RPS24: variants seen among roughly 807,000 people sequenced by gnomAD.
The protein encoded by RPS24 is ribosomal protein S24, also known as small ribosomal subunit protein eS24.
For synonymous variants in RPS24, 72 were observed against 55.6 expected, an observed-to-expected ratio of 1.30 and a Z score of -1.31; for missense variants, 100 against 162.5, an observed-to-expected ratio of 0.62 and a Z score of 2.09.
intron 4 of RPS24, among the ~76,000 whole-genome samples, chr10:78,049,465 TGCTTATTA>T (rs2131992186): frequency 6.6e-6 from 1 of 152,340 alleles, no homozygotes; most frequent in African/African-American, 2.4e-5. Flanking sequence ...ACAGTGAGGT[TGCTTATTA>T]GCTCCTGTAA....
At chr10:78,054,474 G>C (rs755364332) in intron 4 of RPS24, 12 of 1,442,524 alleles carry the variant, frequency 8.3e-6, no homozygotes, top group Admixed American at 2.2e-5. Flanking sequence ...AGAACAGGGC[G>C]GCTGGAAGGC....
chr10:78,052,801 G>A (rs77101381), intron 4 of RPS24, among the ~76,000 whole-genome samples: 1,968 of 152,314 alleles, frequency 0.013, 40 homozygotes, highest in African/African-American at 0.043. Flanking sequence ...TTGTCCTGGA[G>A]TGTGGAGTGT....
chr10:78,034,538 A>G (rs768138968), intron 1 of RPS24: 1 of 153,832 alleles, frequency 6.5e-6, no homozygotes, highest in Non-Finnish European at 1.4e-5. Flanking sequence ...ATTGAGTACC[A>G]CTGACGTGGA....
intron 5 of RPS24, 69 bp from the exon 6 acceptor site, chr10:78,040,546 T>A: frequency 8.8e-7 from 1 of 1,132,524 alleles, no homozygotes; most frequent in Non-Finnish European, 1.4e-6. Flanking sequence ...TGTTACTACT[T>A]TTGGAATTGA....
rs1363286906 is a variant in RPS24 at position 78,035,340 on chromosome 10, TTA to T, written c.4-10_4-9del. 5 of 1,613,406 alleles carry T rather than the reference TTA, an allele frequency of 3.1e-6. No individual in the cohort carries two copies. Among genetic ancestry groups the T allele is most frequent in the African/African-American group, 2.7e-5 (2 of 74,882 alleles). Reference sequence around the variant, plus strand: ...GGAGTAGTTTTATTAACCAGAGTGTTTATGTTTTCAGAACGACACCGTAACTA... The same window carrying T: ...GGAGTAGTTTTATTAACCAGAGTGTTTGTTTTCAGAACGACACCGTAACTA... On this transcript the variant is annotated splice_polypyrimidine_tract_variant and intron_variant, in intron 1 of 5. Coordinates refer to ENST00000372360, the MANE Select transcript of RPS24 (RefSeq NM_033022.4).
At chr10:78,054,598 T>C (rs748526014) in exon 5 of RPS24, 2 of 1,551,496 alleles carry the variant, frequency 1.3e-6, no homozygotes, top group Non-Finnish European at 1.7e-6. Flanking sequence ...TGCACAGATG[T>C]GAAGAACTCG....
chr10:78,035,774 CGTTGT>C, intron 3 of RPS24, 54 bp downstream of exon 3: 1 of 1,433,696 alleles, frequency 7.0e-7, no homozygotes, highest in Non-Finnish European at 9.7e-7. Context: ...TTTTCAATAG[CGTTGT>C]GTTGTGAGTG....
chr10:78,054,860 G>T (rs777924229), exon 5 of RPS24: 1 of 1,550,238 alleles, frequency 6.5e-7, no homozygotes, highest in Admixed American at 2.0e-5. Context: ...ACGGTGACTT[G>T]GTCCTCCACT....
intron 4 of RPS24, chr10:78,037,568 C>T (rs1589328638): frequency 2.1e-6 from 1 of 468,442 alleles, no homozygotes; most frequent in East Asian, 4.4e-5. Context: ...AGCTGGTGGG[C>T]ACCTTTCAAG....
intron 4 of RPS24, chr10:78,037,979 G>T: frequency 7.8e-7 from 1 of 1,275,750 alleles, no homozygotes; most frequent in African/African-American, 1.7e-5. Context: ...GAAGTGTCTA[G>T]CAGGTACTGA....
intron 4 of RPS24, among the ~76,000 whole-genome samples, chr10:78,052,941 C>G (rs142730180): frequency 9.5e-4 from 144 of 152,176 alleles, no homozygotes; most frequent in Middle Eastern, 3.4e-3. Flanking sequence ...CACCTGAGGT[C>G]AGGAGTTCGA....
At chr10:78,053,875 A>T (rs1006554114) in intron 4 of RPS24, among the ~76,000 whole-genome samples, 7 of 152,140 alleles carry the variant, frequency 4.6e-5, no homozygotes, top group African/African-American at 1.7e-4. Context: ...CTGAGCCCTA[A>T]GCTTGGGAGG....
downstream of RPS24, among the ~76,000 whole-genome samples, chr10:78,043,396 G>A (rs986999540): frequency 2.6e-5 from 4 of 152,210 alleles, no homozygotes; most frequent in African/African-American, 9.6e-5. Flanking sequence ...TCTCACCCAT[G>A]AAGTGGTGGG....
Position 78,040,632 on chromosome 10 carries a change from C to G in RPS24, c.*37C>G. ...ATTCACAGCCGAAGGAGTAAAGGTG[C>G]TGCAATGATGTTAGCTGTGGCCACT... On this transcript the variant is annotated 3_prime_UTR_variant, in exon 6 of 6. Coordinates refer to ENST00000372360, the MANE Select transcript of RPS24 (RefSeq NM_033022.4). The G allele has an allele frequency of 1.9e-6, 3 of 1,613,876 alleles. No individual in the cohort carries two copies. The highest frequency in any genetic ancestry group is 1.7e-5 in the Admixed American group (1 of 60,020).
chr10:78,056,495 G>C (rs901630890), exon 5 of RPS24: 3 of 152,210 alleles, frequency 2.0e-5, no homozygotes, highest in African/African-American at 4.8e-5. Context: ...GAACCAATCA[G>C]TGCATGGAAT....
At chr10:78,039,994 CAGGCA>C in intron 4 of RPS24, 1 of 650,140 alleles carries the variant, frequency 1.5e-6, no homozygotes, top group Non-Finnish European at 2.8e-6. Context: ...CTACAGTAAT[CAGGCA>C]AGGCATTGTC....
chr10:78,037,958 T>C, intron 4 of RPS24: 1 of 1,225,900 alleles, frequency 8.2e-7, no homozygotes, highest in Non-Finnish European at 1.1e-6. Context: ...GATTTCTTGT[T>C]CATCAGAAAT....
exon 5 of RPS24, chr10:78,054,701 C>T (rs1017951447): frequency 1.3e-6 from 2 of 1,551,658 alleles, no homozygotes; most frequent in South Asian, 1.2e-5. Context: ...GGGGCTGTGG[C>T]AAGTATTTAC....
At chr10:78,045,680 A>G (rs1848036022), downstream of RPS24, among the ~76,000 whole-genome samples, 1 of 150,560 alleles carries the variant, frequency 6.6e-6, no homozygotes. Flanking sequence ...ATGGGGTTTC[A>G]CCATGTTGGC....
Sources: allele counts gnomAD v4.1 joint callset (sites outside exome capture counted in the v4.1 genomes callset), GRCh38; gene constraint gnomAD v4.1.1; transcripts MANE v1.5; gene names NCBI Gene and HGNC (gene_info 2026-07-23, HGNC 2026-07-21).